Variants in FSTL5 observed in about 807,000 individuals in gnomAD.
The protein encoded by FSTL5 is follistatin-related protein 5.
FSTL5 carries 62 observed loss-of-function variants against 89.1 expected under a neutral mutation model. The ratio of observed to expected loss-of-function variants is 0.70; its 90% CI spans 0.57 to 0.86. FSTL5 has a LOEUF of 0.86. Ranked by LOEUF, FSTL5 falls within the 40% of genes least tolerant of loss-of-function variation. The pLI, the probability that FSTL5 is intolerant of heterozygous loss-of-function variation, is 0.00. For synonymous variants in FSTL5, 383 were observed against 346.2 expected, an observed-to-expected ratio of 1.11 and a Z score of -1.18; for missense variants, 1,057 against 1,001.6, an observed-to-expected ratio of 1.06 and a Z score of -0.75.
chr4:161,837,617 T>A (rs556445776), intron 4 of FSTL5, among the ~76,000 whole-genome samples: 1 of 152,052 alleles, frequency 6.6e-6, no homozygotes, highest in South Asian at 2.1e-4. Context: ...AAAAGTAATA[T>A]ACTACTTAAT....
chr4:161,640,867 A>G (rs1735933840), intron 7 of FSTL5, among the ~76,000 whole-genome samples: 1 of 152,208 alleles, frequency 6.6e-6, no homozygotes, highest in African/African-American at 2.4e-5. Context: ...TTACAATCAA[A>G]CCTTTAAGAG....
chr4:161,940,826 AAAC>A, intron 3 of FSTL5, among the ~76,000 whole-genome samples: 1 of 135,388 alleles, frequency 7.4e-6, no homozygotes, highest in Non-Finnish European at 1.7e-5. Flanking sequence ...GAAAAAAACA[AAAC>A]AAAACAAAAC....
intron 15 of FSTL5, among the ~76,000 whole-genome samples, chr4:161,435,570 A>C (rs1218491066): frequency 3.3e-5 from 5 of 151,850 alleles, no homozygotes; most frequent in Admixed American, 3.3e-4. Flanking sequence ...AAAATAACTA[A>C]AAGAGTATAA....
intron 7 of FSTL5, among the ~76,000 whole-genome samples, chr4:161,650,823 C>T (rs756730220): frequency 7.2e-5 from 11 of 152,206 alleles, no homozygotes; most frequent in East Asian, 1.9e-4. Context: ...AGTTACTGAA[C>T]GGTGAGCAAC....
intron 4 of FSTL5, among the ~76,000 whole-genome samples, chr4:161,897,088 G>A (rs547572320): frequency 3.6e-4 from 55 of 151,234 alleles, no homozygotes; most frequent in Non-Finnish European, 6.0e-4. Flanking sequence ...ATAGGTACCC[G>A]CCACACAAAA....
At chr4:161,521,581 G>T (rs1404684967) in intron 10 of FSTL5, among the ~76,000 whole-genome samples, 1 of 151,976 alleles carries the variant, frequency 6.6e-6, no homozygotes, top group African/African-American at 2.4e-5. Flanking sequence ...GGGCGCGGTG[G>T]CTCATGCCTC....
rs563801724 is a variant in FSTL5, at chr4:161,466,519, T to C, written c.1609-7200A>G. The stretch of plus-strand genomic sequence containing the variant: ...AATAATGATGCAGTTCTCAAGATAA[T>C]ACGCTAATGGCTGGAGGAGACTGCT... On this transcript the variant is annotated intron_variant, in intron 13 of 15. Transcript: ENST00000306100. Among the ~76,000 whole-genome samples the C allele has an allele frequency of 9.5e-4, 145 of 152,172 alleles. 2 individuals carry two copies. The highest frequency in any genetic ancestry group is 1.6e-3 in the Non-Finnish European group (107 of 68,018).
chr4:162,159,396 T>A (rs1419450684), intron 1 of FSTL5, among the ~76,000 whole-genome samples: 1 of 152,104 alleles, frequency 6.6e-6, no homozygotes, highest in Admixed American at 6.6e-5. Flanking sequence ...GAATTGTTAC[T>A]TGTGCAATGA....
At chr4:162,016,484 C>T (rs1189596687) in intron 3 of FSTL5, among the ~76,000 whole-genome samples, 3 of 152,138 alleles carry the variant, frequency 2.0e-5, no homozygotes, top group Non-Finnish European at 4.4e-5. Context: ...CTGACATTCC[C>T]TAGGGCTCAT....
intron 3 of FSTL5, among the ~76,000 whole-genome samples, chr4:162,019,185 T>C (rs1033006190): frequency 6.6e-6 from 1 of 152,090 alleles, no homozygotes; most frequent in African/African-American, 2.4e-5. Flanking sequence ...TGGTAATACA[T>C]GTGTAATTCC....
chr4:162,084,735 G>T (rs1446815533), intron 2 of FSTL5, among the ~76,000 whole-genome samples: 1 of 151,980 alleles, frequency 6.6e-6, no homozygotes, highest in Non-Finnish European at 1.5e-5. Flanking sequence ...AGAACACATG[G>T]ACACAGGGAG....
chr4:161,488,557 G>A (rs1309960930), intron 12 of FSTL5, among the ~76,000 whole-genome samples: 1 of 152,084 alleles, frequency 6.6e-6, no homozygotes, highest in Non-Finnish European at 1.5e-5. Flanking sequence ...TCAATGTAGT[G>A]TCCAAGGGTG....
intron 6 of FSTL5, among the ~76,000 whole-genome samples, chr4:161,724,655 A>G (rs1579049357): frequency 1.3e-5 from 2 of 152,234 alleles, no homozygotes; most frequent in South Asian, 2.1e-4. Flanking sequence ...TCACACATAT[A>G]CAATTATTCA....
intron 2 of FSTL5, among the ~76,000 whole-genome samples, chr4:162,063,858 C>T (rs1738800909): frequency 6.6e-6 from 1 of 151,914 alleles, no homozygotes; most frequent in Non-Finnish European, 1.5e-5. Context: ...AAAGCAAATT[C>T]TTACAAGTAA....
At chr4:161,870,081 T>C (rs1732214180) in intron 4 of FSTL5, among the ~76,000 whole-genome samples, 1 of 152,128 alleles carries the variant, frequency 6.6e-6, no homozygotes, top group Admixed American at 6.6e-5. Context: ...GAGAAAGTGA[T>C]AGAATGAGTG....
At chr4:162,075,422 T>C (rs2111320059) in intron 2 of FSTL5, among the ~76,000 whole-genome samples, 1 of 151,988 alleles carries the variant, frequency 6.6e-6, no homozygotes, top group African/African-American at 2.4e-5. Flanking sequence ...AATTGTGGCT[T>C]GAATTAGCAT....
At position 161,971,122 on chromosome 4, in the gene FSTL5, C is replaced by T. The variant is rs537562983; in HGVS notation, c.161-50470G>A. On this transcript the variant is annotated intron_variant, in intron 3 of 15. Transcript: ENST00000306100. ...TAATAGCCATAGTAAATATTCAATGCTTATTTTTGTATATTTCATTCATAT... is the reference window on the plus strand; with the variant it reads ...TAATAGCCATAGTAAATATTCAATGTTTATTTTTGTATATTTCATTCATAT... Among the ~76,000 whole-genome samples, 9 of 152,100 alleles carry T rather than the reference C, an allele frequency of 5.9e-5. No individual in the cohort carries two copies. In the South Asian group the frequency reaches 1.9e-3, roughly 32 times the overall value.
intron 6 of FSTL5, among the ~76,000 whole-genome samples, chr4:161,699,116 T>C (rs781471688): frequency 3.3e-5 from 5 of 152,202 alleles, no homozygotes; most frequent in Non-Finnish European, 4.4e-5. Context: ...CTTTGACTTA[T>C]CATTTAATAT....
chr4:161,977,129 T>C (rs1021308129), intron 3 of FSTL5, among the ~76,000 whole-genome samples: 4 of 152,132 alleles, frequency 2.6e-5, no homozygotes, highest in Non-Finnish European at 1.5e-5. Flanking sequence ...TTACAATGCC[T>C]GAGAAGAAAT....
Sources: allele counts gnomAD v4.1 joint callset (sites outside exome capture counted in the v4.1 genomes callset), GRCh38; gene constraint gnomAD v4.1.1; transcripts MANE v1.5; gene names NCBI Gene and HGNC (gene_info 2026-07-23, HGNC 2026-07-21).